PAPPA: variants seen among roughly 807,000 people sequenced by gnomAD.
The protein encoded by PAPPA is pappalysin 1.
PAPPA carries 60 observed loss-of-function variants against 164.0 expected under a neutral mutation model. That is an observed-to-expected ratio of 0.37 (90% CI 0.30 to 0.45). PAPPA has a LOEUF of 0.45. Among genes scored for constraint, PAPPA ranks in the 20% least tolerant of loss-of-function variants. The pLI, the probability that PAPPA is intolerant of heterozygous loss-of-function variation, is 1.00. For missense variants in PAPPA, 1,782 were observed against 2,087.3 expected (o/e 0.85, Z 2.85); for synonymous variants, 875 against 814.1 (o/e 1.07, Z -1.27).
chr9:116,376,786 A>G (rs1459065066), intron 19 of PAPPA, among the ~76,000 whole-genome samples: 1 of 152,224 alleles, frequency 6.6e-6, no homozygotes, highest in African/African-American at 2.4e-5. Context: ...GGGGAAGGGC[A>G]TTCAGGGAAG....
intron 1 of PAPPA, among the ~76,000 whole-genome samples, chr9:116,174,024 G>C (rs1198721504): frequency 1.3e-5 from 2 of 152,148 alleles, no homozygotes; most frequent in Non-Finnish European, 2.9e-5. Context: ...TGGCCAACAG[G>C]TTACTCAGGC....
Position 116,332,317 on chromosome 9 carries a change from G to A in PAPPA, c.3262-16G>A, listed in dbSNP as rs1404413125. 3.1e-6 allele frequency: 5 copies of A among 1,610,014 alleles called. No homozygotes were observed. The highest frequency in any genetic ancestry group is 1.7e-5 in the Admixed American group (1 of 59,948). On this transcript the variant is annotated splice_polypyrimidine_tract_variant and intron_variant, in intron 11 of 21. Coordinates refer to ENST00000328252, the MANE Select transcript of PAPPA (RefSeq NM_002581.5). ...CTGAGTGCACATGTGACCCTCCTAC[G>A]TCTTCACAATTTCAGGCGTATTTTT...
chr9:116,271,268 T>C lies in PAPPA; in HGVS notation c.2862-57T>C. On this transcript the variant is annotated intron_variant, in intron 8 of 21. Coordinates refer to ENST00000328252, the MANE Select transcript of PAPPA (RefSeq NM_002581.5). This position sits in a 1 kb window ranked among gnomAD's most constrained non-coding sequence, Gnocchi z 4.2. ...TGGCCCAGGGAGGGACTTTTCCATG[T>C]CCAGCCATGGTTTTAAGACTAAATT... 5 of 1,234,208 alleles carry C rather than the reference T, an allele frequency of 4.1e-6. No homozygotes were observed. The South Asian group carries it at 6.0e-5, about 15-fold the overall frequency. 76.5% of individuals were successfully genotyped at this position (1,234,208 alleles called of 1,614,324 possible).
At position 116,271,970 on chromosome 9, in the gene PAPPA, G is replaced by A. The variant is rs933547632; in HGVS notation, c.2953+554G>A. On this transcript the variant is annotated intron_variant, in intron 9 of 21. Transcript: ENST00000328252. This position sits in a 1 kb window ranked among gnomAD's most constrained non-coding sequence, Gnocchi z 4.2. ...CCCCTCTGCAGACTCAGAACCTTGGGCAGTCTCTCTGATCTGAGGAAGGAG... is the reference window on the plus strand; with the variant it reads ...CCCCTCTGCAGACTCAGAACCTTGGACAGTCTCTCTGATCTGAGGAAGGAG... 2.0e-5 allele frequency among the ~76,000 whole-genome samples: 3 copies of A among 152,196 alleles called. No homozygotes were observed. The highest frequency in any genetic ancestry group is 7.2e-5 in the African/African-American group (3 of 41,460).
intron 12 of PAPPA, 51 bp downstream of exon 12, chr9:116,332,519 C>T: frequency 6.5e-7 from 1 of 1,539,360 alleles, no homozygotes; most frequent in Non-Finnish European, 8.9e-7. Flanking sequence ...GATTCCACCT[C>T]TGCCCCATAA....
intron 9 of PAPPA, among the ~76,000 whole-genome samples, chr9:116,290,579 T>G (rs1297272490): frequency 1.3e-5 from 2 of 152,212 alleles, no homozygotes; most frequent in Non-Finnish European, 2.9e-5. Context: ...GCATCTATTC[T>G]AATCTCCAGT....
intron 15 of PAPPA, 146 bp from the exon 16 acceptor site, chr9:116,352,560 G>C (rs1460264896): frequency 1.4e-6 from 1 of 705,068 alleles, no homozygotes; most frequent in Admixed American, 2.0e-5. Context: ...ATTTCCCTAG[G>C]CTCCTCAGTT....
intron 10 of PAPPA, among the ~76,000 whole-genome samples, chr9:116,317,279 G>C (rs905935853): frequency 2.0e-5 from 3 of 152,106 alleles, no homozygotes; most frequent in Non-Finnish European, 2.9e-5. Context: ...CATAACCAAG[G>C]GTTTCGGTGA....
chr9:116,384,514 GTTGT>G (rs1564251214), intron 21 of PAPPA, among the ~76,000 whole-genome samples: 1 of 152,094 alleles, frequency 6.6e-6, no homozygotes, highest in Non-Finnish European at 1.5e-5. Flanking sequence ...TTGCTGCATT[GTTGT>G]TTATTATATG....
intron 2 of PAPPA, among the ~76,000 whole-genome samples, chr9:116,201,881 T>C (rs569709025): frequency 2.0e-5 from 3 of 152,316 alleles, no homozygotes; most frequent in African/African-American, 7.2e-5. Context: ...TTGGCCAGTG[T>C]TCAGCTCACA....
chr9:116,315,041 A>T (rs545715675), intron 10 of PAPPA, among the ~76,000 whole-genome samples: 1 of 152,214 alleles, frequency 6.6e-6, no homozygotes. Context: ...CAGAAAATGG[A>T]CTCATTAAAT....
intron 9 of PAPPA, among the ~76,000 whole-genome samples, chr9:116,298,133 T>C (rs1296297135): frequency 6.6e-6 from 1 of 152,194 alleles, no homozygotes; most frequent in Non-Finnish European, 1.5e-5. Context: ...AGCTTTCAAA[T>C]GGGAATAACG....
intron 7 of PAPPA, among the ~76,000 whole-genome samples, chr9:116,262,288 C>T (rs981696254): frequency 1.3e-5 from 2 of 151,394 alleles, no homozygotes; most frequent in Admixed American, 6.6e-5. Flanking sequence ...ATATTAGCTA[C>T]AAACATAAAA....
At chr9:116,179,235 T>A (rs1300349043) in intron 1 of PAPPA, among the ~76,000 whole-genome samples, 1 of 152,068 alleles carries the variant, frequency 6.6e-6, no homozygotes, top group Admixed American at 6.6e-5. Context: ...ACAGACCCAT[T>A]TAGTGAGGGT....
chr9:116,381,059 A>G (rs1195002891), intron 20 of PAPPA, among the ~76,000 whole-genome samples: 1 of 152,184 alleles, frequency 6.6e-6, no homozygotes, highest in Non-Finnish European at 1.5e-5. Flanking sequence ...TCTGCTTTCT[A>G]TATTGAAATG....
intron 7 of PAPPA, among the ~76,000 whole-genome samples, chr9:116,259,377 T>C (rs894474856): frequency 6.6e-6 from 1 of 152,112 alleles, no homozygotes; most frequent in African/African-American, 2.4e-5. Flanking sequence ...TCATAGACCA[T>C]GAAATGGTAT....
chr9:116,214,684 A>G (rs1258020549), intron 4 of PAPPA, among the ~76,000 whole-genome samples: 1 of 152,084 alleles, frequency 6.6e-6, no homozygotes, highest in Non-Finnish European at 1.5e-5. Flanking sequence ...TCAACAGATA[A>G]AAGAGTAGCA....
At chr9:116,330,723 T>G (rs1335251369) in intron 10 of PAPPA, among the ~76,000 whole-genome samples, 2 of 152,206 alleles carry the variant, frequency 1.3e-5, no homozygotes, top group African/African-American at 2.4e-5. Flanking sequence ...TAATATCACT[T>G]GGAGCACAAT....
Position 116,154,720 on chromosome 9 carries a change from C to T in PAPPA, c.415+133C>T. On this transcript the variant is annotated intron_variant, in intron 1 of 21. Transcript: ENST00000328252. The surrounding 1 kb of genome is among the most constrained non-coding windows in gnomAD (Gnocchi z 5.2). ...TGCGAGAGCTGCCCCGCGAGCGGCG[C>T]AGAGACATCCGGGCGAGCTGAGAGC... 9.2e-7 allele frequency: 1 copy of T among 1,081,174 alleles called. No homozygotes were observed. The highest frequency in any genetic ancestry group is 4.3e-5 in the South Asian group (1 of 23,314). 67.0% of individuals were successfully genotyped at this position (1,081,174 alleles called of 1,614,324 possible). A position where few individuals can be genotyped will look rare whatever the true frequency, so the allele number is the denominator to read the frequency against.
Sources: allele counts gnomAD v4.1 joint callset (sites outside exome capture counted in the v4.1 genomes callset), GRCh38; gene constraint gnomAD v4.1.1; non-coding constraint Gnocchi (gnomAD v3.1); transcripts MANE v1.5; gene names NCBI Gene and HGNC (gene_info 2026-07-23, HGNC 2026-07-21).